Variants in GATA6 observed in about 807,000 individuals in gnomAD.
The protein encoded by GATA6 is transcription factor GATA-6.
In GATA6, 11 loss-of-function variants were observed where a neutral mutation model predicts 48.1. The ratio of observed to expected loss-of-function variants is 0.23; its 90% CI spans 0.14 to 0.38. The LOEUF (loss-of-function observed/expected upper bound fraction) is 0.38. Among genes scored for constraint, GATA6 ranks in the 10% least tolerant of loss-of-function variants. The pLI is 1.00. For synonymous variants in GATA6, 419 were observed against 396.1 expected (o/e 1.06, Z -0.69); for missense variants, 795 against 850.3 (o/e 0.93, Z 0.81).
rs1480848667 is a variant in GATA6 at position 22,182,795 on chromosome 18, A to G, written c.1467A>G (p.Gln489=). The change falls in exon 5 of 7, where the codon CAA becomes CAG. Residue 489 remains glutamine, a synonymous_variant. Coordinates refer to ENST00000269216, the MANE Select transcript of GATA6 (RefSeq NM_005257.6). ...RPLAMKKEGI[Q]TRKRKPKNIN... is the part of the protein sequence containing the mutation. Reference sequence around the variant, plus strand: ...TTGCTATGAAAAAAGAGGGAATTCAAACCAGGAAACGAAAACCTAAGAACA... The same window carrying G: ...TTGCTATGAAAAAAGAGGGAATTCAGACCAGGAAACGAAAACCTAAGAACA... 6.2e-7 allele frequency: 1 copy of G among 1,614,050 alleles called. No individual in the cohort carries two copies. Among genetic ancestry groups the G allele is most frequent in the African/African-American group, 1.3e-5 (1 of 74,940 alleles).
intron 6 of GATA6, among the ~76,000 whole-genome samples, chr18:22,200,217 G>A (rs1598743480): frequency 6.6e-6 from 1 of 152,132 alleles, no homozygotes; most frequent in East Asian, 1.9e-4. Flanking sequence ...GCACGCATGC[G>A]TGCGCTCTGC....
At chr18:22,169,983 C>T (rs1387377374) in intron 1 of GATA6, among the ~76,000 whole-genome samples, 5 of 152,254 alleles carry the variant, frequency 3.3e-5, no homozygotes, top group African/African-American at 1.2e-4. Flanking sequence ...TTCTTTCTTG[C>T]TATCTAGCCA....
rs375015752 is a variant in GATA6, at chr18:22,177,082, C to T, written c.1263C>T (p.Asn421=). ...CNACGLYSKM[N]GLSRPLIKPQ... Reference sequence around the variant, plus strand: ...CCTGCGGGCTCTACAGCAAGATGAACGGCCTCAGCCGGCCCCTCATCAAGC... The same window carrying T: ...CCTGCGGGCTCTACAGCAAGATGAATGGCCTCAGCCGGCCCCTCATCAAGC... Residue 421 remains asparagine, a synonymous_variant, in exon 3 of 7, where the codon AAC becomes AAT. Transcript: ENST00000269216. The T allele has an allele frequency of 1.9e-6, 3 of 1,558,710 alleles. No individual in the cohort carries two copies. Among genetic ancestry groups the T allele is most frequent in the Non-Finnish European group, 2.6e-6 (3 of 1,153,652 alleles).
intron 3 of GATA6, among the ~76,000 whole-genome samples, chr18:22,179,777 G>A (rs2033170555): frequency 1.3e-5 from 2 of 152,190 alleles, no homozygotes; most frequent in Admixed American, 1.3e-4. Context: ...TGTGAGCCAA[G>A]CATACTCATT....
rs993224370 is a variant in GATA6 at position 22,200,777 on chromosome 18, C to T, written c.1742C>T (p.Thr581Met). 1 of 1,613,598 alleles carries T rather than the reference C, an allele frequency of 6.2e-7. No individual in the cohort carries two copies. Among genetic ancestry groups the T allele is most frequent in the Non-Finnish European group, 8.5e-7 (1 of 1,180,026 alleles). The change falls in exon 7 of 7, where the codon ACG becomes ATG. Residue 581 changes from threonine (T) to methionine (M), a missense_variant. Transcript: ENST00000269216. ...AGTCTCGCCTCGCCGGCCGAAGTCA[C>T]GTCCTCCGTGCGACCGGATTCCTGG... ...GVSLASPAEV[T>M]SSVRPDSWCA...
At chr18:22,178,679 G>T (rs530458333) in intron 3 of GATA6, among the ~76,000 whole-genome samples, 2 of 152,158 alleles carry the variant, frequency 1.3e-5, no homozygotes, top group African/African-American at 2.4e-5. Flanking sequence ...TTTAATGAGT[G>T]TATGTGCCTT....
chr18:22,190,181 A>G (rs2033310078), intron 6 of GATA6, among the ~76,000 whole-genome samples: 1 of 152,248 alleles, frequency 6.6e-6, no homozygotes, highest in Non-Finnish European at 1.5e-5. Flanking sequence ...CCAAGAATGT[A>G]TTTAAGACAG....
At chr18:22,179,121 C>A (rs1472635285) in intron 3 of GATA6, among the ~76,000 whole-genome samples, 1 of 152,166 alleles carries the variant, frequency 6.6e-6, no homozygotes, top group Admixed American at 6.5e-5. Context: ...TTGTGCTTAG[C>A]AGGTGTCTTG....
At chr18:22,200,582 C>T in intron 6 of GATA6, 74 bp from the exon 7 acceptor site, 1 of 1,579,348 alleles carries the variant, frequency 6.3e-7, no homozygotes. Context: ...CATTAGCTCC[C>T]ATGTATTTCA....
At chr18:22,182,419 G>T (rs192111108) in intron 4 of GATA6, among the ~76,000 whole-genome samples, 1 of 150,882 alleles carries the variant, frequency 6.6e-6, no homozygotes, top group Admixed American at 6.6e-5. Flanking sequence ...GTGCAGTGGT[G>T]CTATCTCGGC....
intron 2 of GATA6, among the ~76,000 whole-genome samples, chr18:22,173,504 G>T (rs2033082546): frequency 6.6e-6 from 1 of 152,140 alleles, no homozygotes. Context: ...AGTCCTAGGG[G>T]CCAGGATTCC....
chr18:22,185,513 C>G lies in GATA6; in HGVS notation c.1620+2470C>G, dbSNP rs1222419953. Among the ~76,000 whole-genome samples, 9 of 152,250 alleles carry G rather than the reference C, an allele frequency of 5.9e-5. No homozygotes were observed. The highest frequency in any genetic ancestry group is 5.9e-4 in the Admixed American group (9 of 15,284). ...CAGCAGAAACACTGACTGCCATTAC[C>G]AGGGCAGGGGGTAGGGTTGCTGGCC... On this transcript the variant is annotated intron_variant, in intron 6 of 6. Transcript: ENST00000269216. The surrounding 1 kb of genome is among the most constrained non-coding windows in gnomAD (Gnocchi z 4.3).
chr18:22,177,062 G>T lies in GATA6; in HGVS notation c.1243G>T (p.Gly415Trp). Residue 415 changes from glycine (G) to tryptophan (W), a missense_variant, in exon 3 of 7, where the codon GGG becomes TGG. This residue lies in a region of GATA6 where 76 missense variants were observed against 113.1 expected (regional missense o/e 0.67). Transcript: ENST00000269216. ...CGGCCACTACCTGTGCAACGCCTGC[G>T]GGCTCTACAGCAAGATGAACGGCCT... is the stretch of plus-strand genomic sequence containing the variant. ...GTGHYLCNAC[G>W]LYSKMNGLSR... 6.4e-7 allele frequency: 1 copy of T among 1,573,810 alleles called. No individual in the cohort carries two copies. The highest frequency in any genetic ancestry group is 2.3e-5 in the East Asian group (1 of 42,560).
At chr18:22,182,335 A>AT (rs1246752014) in intron 4 of GATA6, among the ~76,000 whole-genome samples, 1 of 150,638 alleles carries the variant, frequency 6.6e-6, no homozygotes, top group Non-Finnish European at 1.5e-5. Context: ...TTGGATTGAA[A>AT]TTTATGCCAA....
chr18:22,195,183 A>T (rs1262281921), intron 6 of GATA6, among the ~76,000 whole-genome samples: 2 of 152,180 alleles, frequency 1.3e-5, no homozygotes, highest in Admixed American at 6.5e-5. Context: ...AGCTGAAGTT[A>T]CGCTGATGCA....
chr18:22,172,268 G>A lies in GATA6; in HGVS notation c.1124G>A (p.Gly375Asp). The A allele has an allele frequency of 6.5e-7, 1 of 1,533,202 alleles. No homozygotes were observed. The highest frequency in any genetic ancestry group is 8.7e-7 in the Non-Finnish European group (1 of 1,146,072). The allele number at this position is 1,533,202 out of a possible 1,614,324, so 95.0% of individuals were successfully genotyped here. ...GGAGCCCCGCTCCCGGTGCCCCGGG[G>A]TCCCAGTGCAGGTAAGGGTCGCGCC... ...RAGAPLPVPRGPSADLLEDLS... is the reference protein window; with the variant it reads ...RAGAPLPVPRDPSADLLEDLS... The change falls in exon 2 of 7, where the codon GGT becomes GAT. Residue 375 changes from glycine (G) to aspartate (D), a missense_variant. By Grantham distance (94) the Gly-to-Asp change is moderately conservative (BLOSUM62 -1). Coordinates refer to ENST00000269216, the MANE Select transcript of GATA6 (RefSeq NM_005257.6). The surrounding 1 kb of genome is among the most constrained non-coding windows in gnomAD (Gnocchi z 5.2).
intron 2 of GATA6, among the ~76,000 whole-genome samples, chr18:22,173,205 TG>T (rs1313179226): frequency 6.6e-6 from 1 of 152,218 alleles, no homozygotes; most frequent in Admixed American, 6.5e-5. Flanking sequence ...CACAGGAGTG[TG>T]GGAGCCCTGT....
intron 6 of GATA6, among the ~76,000 whole-genome samples, chr18:22,192,009 T>C (rs1399461608): frequency 6.6e-6 from 1 of 152,238 alleles, no homozygotes; most frequent in East Asian, 1.9e-4. Flanking sequence ...ATTTTTATTT[T>C]ATTAAACACA....
chr18:22,177,171 C>G, intron 3 of GATA6, 50 bp downstream of exon 3: 1 of 1,496,976 alleles, frequency 6.7e-7, no homozygotes, highest in Non-Finnish European at 8.9e-7. Flanking sequence ...CCGGGCTCTC[C>G]TGGCCCGGCC....
Sources: allele counts gnomAD v4.1 joint callset (sites outside exome capture counted in the v4.1 genomes callset), GRCh38; gene constraint gnomAD v4.1.1; regional missense constraint gnomAD v4.1.1; non-coding constraint Gnocchi (gnomAD v3.1); transcripts MANE v1.5; gene names NCBI Gene and HGNC (gene_info 2026-07-23, HGNC 2026-07-21).